The following SEPTIN7 variants were observed in gnomAD, a reference collection of about 807,000 sequenced individuals.
SEPTIN7 encodes septin-7.
A neutral mutation model predicts 63.3 loss-of-function variants in SEPTIN7; 10 were observed. The observed-to-expected ratio is 0.16, with a 90% CI of 0.10 to 0.27. SEPTIN7 has a LOEUF of 0.27. Among genes scored for constraint, SEPTIN7 ranks in the 10% least tolerant of loss-of-function variants. The probability of loss-of-function intolerance (pLI) is 1.00; values close to 1 mark genes in which losing one functional copy is unlikely to be tolerated. For missense variants in SEPTIN7, 310 were observed against 521.0 expected (o/e 0.59, Z 3.94); for synonymous variants, 131 against 165.3 (o/e 0.79, Z 1.59).
intron 8 of SEPTIN7, among the ~76,000 whole-genome samples, chr7:35,883,264 G>T (rs1787012464): frequency 6.6e-6 from 1 of 151,888 alleles, no homozygotes; most frequent in African/African-American, 2.4e-5. Flanking sequence ...ATGTACTTTG[G>T]CCCTAAAAAT....
At chr7:35,910,521 T>A (rs1228863812), downstream of SEPTIN7, among the ~76,000 whole-genome samples, 1 of 152,256 alleles carries the variant, frequency 6.6e-6, no homozygotes, top group Non-Finnish European at 1.5e-5. Flanking sequence ...GTTTTCCAGA[T>A]GCCCTATACT....
chr7:35,881,809 GA>G (rs1380189892), intron 7 of SEPTIN7, among the ~76,000 whole-genome samples: 1 of 151,932 alleles, frequency 6.6e-6, no homozygotes, highest in Non-Finnish European at 1.5e-5. Context: ...TTTTGAACAT[GA>G]TAATTTAATT....
At chr7:35,857,882 A>T (rs1415481182) in intron 3 of SEPTIN7, among the ~76,000 whole-genome samples, 1 of 152,156 alleles carries the variant, frequency 6.6e-6, no homozygotes, top group Non-Finnish European at 1.5e-5. Context: ...AGTTACTCAA[A>T]AAAAGGGGGG....
chr7:35,831,416 T>C (rs1783826789), intron 1 of SEPTIN7, 76 bp from the exon 2 acceptor site: 1 of 401,390 alleles, frequency 2.5e-6, no homozygotes, highest in Non-Finnish European at 4.8e-6. Flanking sequence ...TGGAATTCTT[T>C]GTTTACTGTT....
At chr7:35,868,170 G>C (rs1785934983) in intron 4 of SEPTIN7, among the ~76,000 whole-genome samples, 1 of 152,056 alleles carries the variant, frequency 6.6e-6, no homozygotes, top group Non-Finnish European at 1.5e-5. Context: ...GCACCCAGCT[G>C]GTCCCTGAAG....
chr7:35,856,574 G>A (rs2727849), intron 3 of SEPTIN7, among the ~76,000 whole-genome samples: 132,326 of 152,198 alleles, frequency 0.87, 58,159 homozygotes, highest in East Asian at 0.99. Context: ...ATGGAGTGGC[G>A]ACTTCCAAGC....
At chr7:35,851,904 C>A (rs1345031682) in intron 3 of SEPTIN7, among the ~76,000 whole-genome samples, 19 of 152,034 alleles carry the variant, frequency 1.2e-4, no homozygotes, top group Admixed American at 1.2e-3. Flanking sequence ...TTCAACATTC[C>A]TTTTTACTTA....
intron 3 of SEPTIN7, among the ~76,000 whole-genome samples, chr7:35,845,476 G>A (rs1020566314): frequency 2.0e-5 from 3 of 152,154 alleles, no homozygotes; most frequent in Non-Finnish European, 4.4e-5. Context: ...GCAAATGTGT[G>A]CTCTTTGTAA....
intron 11 of SEPTIN7, among the ~76,000 whole-genome samples, chr7:35,892,234 A>G (rs1787692140): frequency 6.6e-6 from 1 of 152,222 alleles, no homozygotes; most frequent in African/African-American, 2.4e-5. Context: ...ATAGTGGTTA[A>G]CATGCCTTAT....
At chr7:35,809,338 T>G (rs541628008) in intron 1 of SEPTIN7, among the ~76,000 whole-genome samples, 1 of 152,330 alleles carries the variant, frequency 6.6e-6, no homozygotes, top group African/African-American at 2.4e-5. Context: ...CATAAGGTTA[T>G]TGGAGAAGTA....
intron 1 of SEPTIN7, among the ~76,000 whole-genome samples, chr7:35,801,764 C>T (rs1489178206): frequency 6.6e-6 from 1 of 151,216 alleles, no homozygotes; most frequent in African/African-American, 2.4e-5. Flanking sequence ...GGCGAGGGTG[C>T]TGTGTGGGCC....
intron 6 of SEPTIN7, among the ~76,000 whole-genome samples, chr7:35,874,427 A>G (rs1221141344): frequency 6.6e-6 from 1 of 152,066 alleles, no homozygotes; most frequent in Non-Finnish European, 1.5e-5. Context: ...CATTTTGAGT[A>G]CATATATGTG....
At chr7:35,890,608 T>C (rs1787572676) in intron 10 of SEPTIN7, 60 bp from the exon 11 acceptor site, 3 of 1,333,954 alleles carry the variant, frequency 2.2e-6, no homozygotes, top group South Asian at 2.4e-5. Flanking sequence ...TTAAAACTTT[T>C]TAAGCTTTTT....
At chr7:35,913,240 A>G in the SEPTIN7 span, among the ~76,000 whole-genome samples, 10 of 152,150 alleles carry the variant, frequency 6.6e-5, no homozygotes, top group Non-Finnish European at 1.0e-4. Flanking sequence ...ATCAATGGCA[A>G]CAGGTGGGCC....
chr7:35,850,689 G>A (rs936931170), intron 3 of SEPTIN7, among the ~76,000 whole-genome samples: 5 of 152,022 alleles, frequency 3.3e-5, no homozygotes, highest in African/African-American at 2.4e-5. Context: ...AAATTCTGTC[G>A]CTTTGGGGTA....
chr7:35,812,486 C>T (rs924575090), intron 1 of SEPTIN7, among the ~76,000 whole-genome samples: 3 of 152,068 alleles, frequency 2.0e-5, no homozygotes, highest in East Asian at 1.9e-4. Flanking sequence ...GCACCATCAA[C>T]GTTAGTACTG....
rs1783900078 is a variant in SEPTIN7, at chr7:35,832,873, G to C, written c.142G>C (p.Gly48Arg). The C allele has an allele frequency of 6.2e-7, 1 of 1,606,126 alleles. No individual in the cohort carries two copies. Among genetic ancestry groups the C allele is most frequent in the Non-Finnish European group, 8.5e-7 (1 of 1,173,112 alleles). The change falls in exon 3 of 14, where the codon GGT (glycine) becomes CGT (arginine). Residue 48 changes from glycine (G) to arginine (R), a missense_variant. Gly to Arg is a moderately radical substitution (Grantham distance 125). Around this residue, in one of 2 missense-constraint regions of SEPTIN7, gnomAD observed 255 missense variants for 490.5 expected, o/e 0.52. Transcript: ENST00000350320. Reference protein sequence around the residue: ...NQVYRKSVKRGFEFTLMVVGE... With the variant: ...NQVYRKSVKRRFEFTLMVVGE... ...AGTATACAGAAAATCGGTGAAGAGA[G>C]GTTTTGAATTCACGCTTATGGTAGT...
chr7:35,872,607 T>G, intron 4 of SEPTIN7, 59 bp from the exon 5 acceptor site: 1 of 1,324,368 alleles, frequency 7.6e-7, no homozygotes, highest in Non-Finnish European at 1.1e-6. Context: ...CCATCACCCC[T>G]TGTAGGAAAT....
At chr7:35,893,727 G>C (rs930148574) in intron 11 of SEPTIN7, among the ~76,000 whole-genome samples, 1 of 152,164 alleles carries the variant, frequency 6.6e-6, no homozygotes, top group African/African-American at 2.4e-5. Context: ...TACATGTGTA[G>C]ATGTCTGAAA....
Sources: allele counts gnomAD v4.1 joint callset (sites outside exome capture counted in the v4.1 genomes callset), GRCh38; gene constraint gnomAD v4.1.1; regional missense constraint gnomAD v4.1.1; transcripts MANE v1.5; gene names NCBI Gene and HGNC (gene_info 2026-07-23, HGNC 2026-07-21).